CPED1: variants seen among roughly 807,000 people sequenced by gnomAD.
CPED1 encodes the protein cadherin-like and PC-esterase domain-containing protein 1.
CPED1 carries 114 observed loss-of-function variants against 128.2 expected under a neutral mutation model. The observed-to-expected ratio is 0.89, with a 90% CI of 0.76 to 1.04. The LOEUF (loss-of-function observed/expected upper bound fraction) is 1.04, where lower values mean the gene tolerates loss of function less well. Ranked by LOEUF, CPED1 falls within the 50% of genes least tolerant of loss-of-function variation. CPED1 has a pLI of 0.00. For synonymous variants in CPED1, 462 were observed against 426.7 expected (o/e 1.08, Z -1.02); for missense variants, 1,211 against 1,207.1 (o/e 1.00, Z -0.05).
intron 7 of CPED1, among the ~76,000 whole-genome samples, chr7:121,123,135 T>C (rs1290975230): frequency 1.3e-5 from 2 of 152,228 alleles, no homozygotes; most frequent in African/African-American, 4.8e-5. Flanking sequence ...ATTATTACAT[T>C]TATTTTCCTT....
At chr7:121,166,410 A>G (rs751080410) in intron 16 of CPED1, among the ~76,000 whole-genome samples, 12 of 152,364 alleles carry the variant, frequency 7.9e-5, no homozygotes, top group Admixed American at 3.3e-4. Context: ...AGTATTATAC[A>G]GATGAGACAT....
At chr7:121,157,464 T>C (rs1249022662) in intron 16 of CPED1, among the ~76,000 whole-genome samples, 1 of 151,930 alleles carries the variant, frequency 6.6e-6, no homozygotes, top group Non-Finnish European at 1.5e-5. Flanking sequence ...AGCAACGGGG[T>C]GTGTTTCTAG....
At chr7:121,180,621 C>A (rs1165209054) in intron 16 of CPED1, among the ~76,000 whole-genome samples, 1 of 151,932 alleles carries the variant, frequency 6.6e-6, no homozygotes, top group Non-Finnish European at 1.5e-5. Context: ...CTTTCATATA[C>A]TATTATTAGC....
At chr7:121,136,235 A>G (rs1362166977) in intron 14 of CPED1, 145 bp downstream of exon 14, 19 of 771,868 alleles carry the variant, frequency 2.5e-5, no homozygotes, top group Non-Finnish European at 3.4e-5. Context: ...TAGATTTCCA[A>G]TGGAGTCAGT....
rs748045661 is a variant in CPED1, at chr7:121,118,586, G to GA, written c.919-5735dup. On this transcript the variant is annotated intron_variant, in intron 7 of 22. Transcript: ENST00000310396. Reference sequence around the variant, plus strand: ...AAAAAAAAAAAAACAGAGAGAGAAAGAAAAAAAAAACCATATCTATCTGAG... The same window carrying GA: ...AAAAAAAAAAAAACAGAGAGAGAAAGAAAAAAAAAAACCATATCTATCTGAG... Among the ~76,000 whole-genome samples the GA allele has an allele frequency of 2.4e-3, 344 of 144,168 alleles. 2 individuals are homozygous for GA. Among genetic ancestry groups the GA allele is most frequent in the Non-Finnish European group, 3.2e-3 (212 of 65,516 alleles). The allele number at this position is 144,168 out of a possible 152,430, so 94.6% of individuals were successfully genotyped here. A position where few individuals can be genotyped will look rare whatever the true frequency, so the allele number is the denominator to read the frequency against.
chr7:121,183,947 C>T (rs1397996121), intron 16 of CPED1, among the ~76,000 whole-genome samples: 2 of 152,042 alleles, frequency 1.3e-5, no homozygotes, highest in Non-Finnish European at 2.9e-5. Flanking sequence ...CAAGACCAGC[C>T]TGGCCAACAT....
chr7:121,166,827 CCTAA>C (rs1032660178), intron 16 of CPED1, among the ~76,000 whole-genome samples: 12 of 151,998 alleles, frequency 7.9e-5, no homozygotes, highest in African/African-American at 2.9e-4. Flanking sequence ...TGTAAAAATT[CCTAA>C]CTGTTAACAG....
chr7:121,184,589 C>T (rs1209237652), intron 16 of CPED1, among the ~76,000 whole-genome samples: 2 of 152,054 alleles, frequency 1.3e-5, no homozygotes. Context: ...TTTCTTCCAA[C>T]TTTAACAATA....
chr7:121,044,377 C>A (rs770184740), intron 3 of CPED1, among the ~76,000 whole-genome samples: 1 of 151,966 alleles, frequency 6.6e-6, no homozygotes, highest in South Asian at 2.1e-4. Flanking sequence ...ATTTTTAGAC[C>A]GTGCTAGCAA....
chr7:121,038,083 G>A (rs531681438), intron 3 of CPED1, among the ~76,000 whole-genome samples: 4 of 152,194 alleles, frequency 2.6e-5, no homozygotes, highest in East Asian at 3.9e-4. Flanking sequence ...TCATCAGCAA[G>A]CAGCGACAGT....
chr7:121,058,926 C>T (rs567123353), intron 4 of CPED1, among the ~76,000 whole-genome samples: 2 of 152,278 alleles, frequency 1.3e-5, no homozygotes, highest in Admixed American at 6.5e-5. Flanking sequence ...ATTAAGATTA[C>T]TAATCCCATT....
chr7:121,139,762 ACAGT>A (rs1795860504), intron 14 of CPED1, among the ~76,000 whole-genome samples: 1 of 152,090 alleles, frequency 6.6e-6, no homozygotes, highest in Non-Finnish European at 1.5e-5. Flanking sequence ...GGAAAAAACA[ACAGT>A]TACTAAAATA....
At chr7:121,106,878 T>C (rs1222994015) in intron 7 of CPED1, among the ~76,000 whole-genome samples, 1 of 152,114 alleles carries the variant, frequency 6.6e-6, no homozygotes, top group Non-Finnish European at 1.5e-5. Flanking sequence ...TGATTTCTGT[T>C]ACACCTTGCC....
intron 4 of CPED1, among the ~76,000 whole-genome samples, chr7:121,060,468 T>C (rs575454778): frequency 2.2e-4 from 33 of 152,260 alleles, no homozygotes; most frequent in Middle Eastern, 3.4e-3. Flanking sequence ...CAATCGGCAC[T>C]CTGTATCTAG....
intron 3 of CPED1, among the ~76,000 whole-genome samples, chr7:121,041,003 G>A (rs572051167): frequency 2.0e-5 from 3 of 152,046 alleles, no homozygotes; most frequent in African/African-American, 4.8e-5. Context: ...CCATTTGTTT[G>A]TATAATTTAA....
Position 121,051,076 on chromosome 7 carries a change from G to A in CPED1, c.540+4083G>A, listed in dbSNP as rs977582650. The A allele has an allele frequency of 2.1e-5, 11 of 528,334 alleles. 1 individual carries two copies. The highest frequency in any genetic ancestry group is 1.8e-4 in the Admixed American group (8 of 45,566). The allele number at this position is 528,334 out of a possible 1,614,324, so 32.7% of individuals were successfully genotyped here. A position where few individuals can be genotyped will look rare whatever the true frequency, so the allele number is the denominator to read the frequency against. On this transcript the variant is annotated intron_variant, in intron 4 of 22. Coordinates refer to ENST00000310396, the MANE Select transcript of CPED1 (RefSeq NM_024913.5). ...TGTGCAAACAAAAGGGAAAAGGAGA[G>A]CAAAGGGAAAACAGGCCAAAGTGGC... is the stretch of plus-strand genomic sequence containing the variant.
chr7:121,085,068 G>A (rs1323397020), intron 5 of CPED1, among the ~76,000 whole-genome samples: 1 of 92,872 alleles, frequency 1.1e-5, no homozygotes, highest in Admixed American at 8.5e-5. Flanking sequence ...ACTTGTTACA[G>A]CTATATTCAC....
chr7:121,175,236 A>G (rs780281781), intron 16 of CPED1, among the ~76,000 whole-genome samples: 4 of 152,088 alleles, frequency 2.6e-5, no homozygotes, highest in Non-Finnish European at 5.9e-5. Context: ...TGCTCTAGCT[A>G]GGACTTCCAA....
intron 5 of CPED1, among the ~76,000 whole-genome samples, chr7:121,077,816 C>A (rs1794171229): frequency 6.6e-6 from 1 of 151,428 alleles, no homozygotes; most frequent in African/African-American, 2.4e-5. Flanking sequence ...TTGTCTTTTA[C>A]CTTTATTTAT....
Sources: gnomAD v4.1 joint callset for allele counts (sites outside exome capture counted in the v4.1 genomes callset) on GRCh38, gnomAD v4.1.1 for gene constraint, MANE v1.5 for transcripts, NCBI Gene and HGNC (gene_info 2026-07-23, HGNC 2026-07-21) for gene names.